Variants in HEPACAM2 observed in about 807,000 individuals in gnomAD.
HEPACAM2 encodes the protein HEPACAM family member 2.
In HEPACAM2, 49 loss-of-function variants were observed where a neutral mutation model predicts 49.6. That is an observed-to-expected ratio of 0.99 (90% CI 0.78 to 1.25). The LOEUF is 1.25. Ranked by LOEUF, HEPACAM2 falls within the 50% of genes most tolerant of loss-of-function variation. The probability of loss-of-function intolerance (pLI) is 0.00; values close to 1 mark genes in which losing one functional copy is unlikely to be tolerated. For synonymous variants in HEPACAM2, 197 were observed against 202.9 expected (o/e 0.97, Z 0.25); for missense variants, 525 against 557.2 (o/e 0.94, Z 0.58).
chr7:93,226,233 A>C, intron 1 of HEPACAM2, 135 bp downstream of exon 1: 1 of 629,370 alleles, frequency 1.6e-6, no homozygotes, highest in Non-Finnish European at 2.8e-6. Context: ...ACAGTGTGTT[A>C]TTGTTAAAAG....
intron 3 of HEPACAM2, 139 bp downstream of exon 3, chr7:93,215,262 G>GTGTGAT: frequency 1.5e-6 from 1 of 685,742 alleles, no homozygotes; most frequent in Non-Finnish European, 2.4e-6. Flanking sequence ...TGCCTAGGAG[G>GTGTGAT]TGTGATTAGA....
In HEPACAM2 at chr7:93,226,442, C is replaced by T; in HGVS notation, c.5G>A (p.Gly2Glu). M[G>E]QDAFMEPFGD... is the part of the protein sequence containing the mutation. ...GAAGGGCTCCATGAAAGCATCCTGT[C>T]CCATGCATGCAGTGCCCTGTTCTCA... is the stretch of plus-strand genomic sequence containing the variant. The change falls in exon 1 of 10, where the codon GGA becomes GAA. Residue 2 changes from glycine (G) to glutamate (E), a missense_variant. Coordinates refer to ENST00000394468, the MANE Select transcript of HEPACAM2 (RefSeq NM_001039372.4). 6.2e-7 allele frequency: 1 copy of T among 1,613,040 alleles called. No homozygotes were observed. The highest frequency in any genetic ancestry group is 8.5e-7 in the Non-Finnish European group (1 of 1,179,190).
intron 3 of HEPACAM2, among the ~76,000 whole-genome samples, chr7:93,211,949 C>T (rs896326597): frequency 3.3e-5 from 5 of 152,046 alleles, no homozygotes; most frequent in African/African-American, 4.8e-5. Flanking sequence ...AACAAACTGT[C>T]TAGTAATTTA....
chr7:93,226,280 C>T, intron 1 of HEPACAM2, 88 bp downstream of exon 1: 1 of 931,144 alleles, frequency 1.1e-6, no homozygotes. Context: ...AATGCATCTA[C>T]AGCCTAAAGC....
In HEPACAM2 at chr7:93,192,308, C is replaced by T; in HGVS notation, c.1331G>A (p.Ser444Asn). Reference sequence around the variant, plus strand: ...GTGCTGAATAACTTCATACACTGTACTGTGCAAATCTTGCCCCGATACACA... The same window carrying T: ...GTGCTGAATAACTTCATACACTGTATTGTGCAAATCTTGCCCCGATACACA... ...SDCVSGQDLH[S>N]TVYEVIQHIP... is the part of the protein sequence containing the mutation. The change falls in exon 9 of 10, where the codon AGT (serine) becomes AAT (asparagine). Residue 444 changes from serine to asparagine, a missense_variant. Physicochemically the swap from Ser to Asn is conservative, Grantham distance 46 (BLOSUM62 1). Transcript: ENST00000394468. 1 of 1,612,876 alleles carries T rather than the reference C, an allele frequency of 6.2e-7. No individual in the cohort carries two copies. The highest frequency in any genetic ancestry group is 8.5e-7 in the Non-Finnish European group (1 of 1,179,212).
chr7:93,199,411 T>C (rs1351850569), intron 4 of HEPACAM2, among the ~76,000 whole-genome samples: 1 of 152,066 alleles, frequency 6.6e-6, no homozygotes, highest in African/African-American at 2.4e-5. Context: ...AGGCTGACCT[T>C]TTAGTTTGGA....
Position 93,192,234 on chromosome 7 carries a change from A to T in HEPACAM2, c.1385+20T>A. ...TGCTTAGCCTCTCCATAGCACCATC[A>T]AATGCAGATTCGTACTTACTCTGGA... On this transcript the variant is annotated intron_variant, in intron 9 of 9. Transcript: ENST00000394468. The T allele has an allele frequency of 6.4e-7, 1 of 1,557,264 alleles. No individual in the cohort carries two copies. Among genetic ancestry groups the T allele is most frequent in the Non-Finnish European group, 8.9e-7 (1 of 1,129,228 alleles).
intron 4 of HEPACAM2, among the ~76,000 whole-genome samples, chr7:93,201,923 A>G (rs528695325): frequency 1.3e-5 from 2 of 151,978 alleles, no homozygotes; most frequent in South Asian, 2.1e-4. Flanking sequence ...TTTCATTTCT[A>G]AGACATAAAT....
chr7:93,208,295 T>C (rs556371667), intron 4 of HEPACAM2, among the ~76,000 whole-genome samples: 1 of 152,168 alleles, frequency 6.6e-6, no homozygotes, highest in East Asian at 1.9e-4. Context: ...TTTTTGTTCA[T>C]AAAACTAGGA....
At chr7:93,217,748 A>G (rs1171347843) in intron 2 of HEPACAM2, among the ~76,000 whole-genome samples, 1 of 152,136 alleles carries the variant, frequency 6.6e-6, no homozygotes, top group African/African-American at 2.4e-5. Flanking sequence ...GGGAAGAGAA[A>G]GAATAAACAA....
chr7:93,232,228 A>T, the HEPACAM2 span: 2 of 490,888 alleles, frequency 4.1e-6, no homozygotes, highest in East Asian at 3.8e-5. Context: ...TAACTGAAGC[A>T]CCCGCTCTTT....
intron 3 of HEPACAM2, among the ~76,000 whole-genome samples, chr7:93,212,638 T>C (rs1424081774): frequency 6.6e-6 from 1 of 152,088 alleles, no homozygotes; most frequent in Non-Finnish European, 1.5e-5. Flanking sequence ...CTTACTTTAA[T>C]GCATCTTTTT....
At chr7:93,229,237 A>G (rs1046540799), upstream of HEPACAM2, among the ~76,000 whole-genome samples, 1 of 152,216 alleles carries the variant, frequency 6.6e-6, no homozygotes, top group African/African-American at 2.4e-5. Context: ...ACATATGCCT[A>G]TGCCTGTGCT....
At chr7:93,195,769 T>C (rs1793697587) in intron 8 of HEPACAM2, 59 bp downstream of exon 8, 4 of 1,333,952 alleles carry the variant, frequency 3.0e-6, no homozygotes, top group Admixed American at 3.4e-5. Context: ...AAATGCTTTT[T>C]ACACCTCTGG....
chr7:93,207,239 G>A (rs1192926649), intron 4 of HEPACAM2, among the ~76,000 whole-genome samples: 2 of 152,106 alleles, frequency 1.3e-5, no homozygotes, highest in African/African-American at 4.8e-5. Flanking sequence ...TGAAGAAAGA[G>A]AAGGCATCAA....
At chr7:93,201,774 G>A (rs1056453937) in intron 4 of HEPACAM2, among the ~76,000 whole-genome samples, 8 of 151,898 alleles carry the variant, frequency 5.3e-5, no homozygotes, top group Admixed American at 1.3e-4. Flanking sequence ...TTAATTGTTT[G>A]GTGAAACTCA....
chr7:93,208,875 A>C lies in HEPACAM2; in HGVS notation c.717T>G (p.Tyr239Ter), dbSNP rs1380020616. ...ESDIIMPIIYYGPYGLQVNSD... is the reference protein window; with the variant it reads ...ESDIIMPIIY ...AATTCACTTGAAGTCCATAAGGTCC[A>C]TCTGCATCAATATAAAAAAAAATAG... The change falls in exon 4 of 10, where the codon TAT (tyrosine) becomes TAG (stop). Residue 239 changes from tyrosine to a stop codon, truncating the protein, a stop_gained and splice_region_variant. Transcript: ENST00000394468. LOFTEE classifies it high-confidence loss of function. 6.4e-7 allele frequency: 1 copy of C among 1,564,762 alleles called. No homozygotes were observed. Among genetic ancestry groups the C allele is most frequent in the Non-Finnish European group, 8.6e-7 (1 of 1,159,034 alleles).
At chr7:93,218,350 C>T (rs1375968218) in intron 2 of HEPACAM2, among the ~76,000 whole-genome samples, 1 of 151,822 alleles carries the variant, frequency 6.6e-6, no homozygotes, top group East Asian at 1.9e-4. Context: ...TGGGGCAGTA[C>T]TGGGGGTGGT....
rs1195975585 is a variant in HEPACAM2, at chr7:93,192,337, A to G, written c.1302T>C (p.Ser434=). Residue 434 remains serine, a synonymous_variant, in exon 9 of 10, where the codon TCT becomes TCC. Transcript: ENST00000394468. ...GCAAATCTTGCCCCGATACACAATC[A>G]GAGGCTGGAACAGACCTGCTTGGGA... ...SRIPSRSVPA[S]DCVSGQDLHS... 1 of 1,612,532 alleles carries G rather than the reference A, an allele frequency of 6.2e-7. No homozygotes were observed. The highest frequency in any genetic ancestry group is 8.5e-7 in the Non-Finnish European group (1 of 1,179,070).
Sources: gnomAD v4.1 joint callset for allele counts (sites outside exome capture counted in the v4.1 genomes callset) on GRCh38, gnomAD v4.1.1 for gene constraint, MANE v1.5 for transcripts, NCBI Gene and HGNC (gene_info 2026-07-23, HGNC 2026-07-21) for gene names.